The following AHCTF1 variants were observed in gnomAD, a reference collection of about 807,000 sequenced individuals.
AHCTF1 encodes protein ELYS.
Under a neutral mutation model 248.4 loss-of-function variants are expected in AHCTF1, and 24 were observed. That is an observed-to-expected ratio of 0.10 (90% CI 0.07 to 0.14). AHCTF1 has a LOEUF of 0.14. Ranked by LOEUF, AHCTF1 falls within the 10% of genes least tolerant of loss-of-function variation. AHCTF1 has a pLI of 1.00. For synonymous variants in AHCTF1, 786 were observed against 929.8 expected, an observed-to-expected ratio of 0.85 and a Z score of 2.81; for missense variants, 2,206 against 2,636.2, an observed-to-expected ratio of 0.84 and a Z score of 3.57.
intron 33 of AHCTF1, among the ~76,000 whole-genome samples, chr1:246,847,150 G>A (rs12093609): frequency 8.6e-5 from 13 of 151,906 alleles, no homozygotes; most frequent in East Asian, 7.8e-4. Context: ...TGACCCAGGC[G>A]TGGTGGCAAG....
intron 1 of AHCTF1, among the ~76,000 whole-genome samples, chr1:246,921,885 G>A (rs1479823945): frequency 6.6e-6 from 1 of 152,198 alleles, no homozygotes; most frequent in Non-Finnish European, 1.5e-5. Context: ...GAAGGTCTGA[G>A]AGGCAGCAAG....
chr1:246,861,778 T>A (rs1187803997), intron 28 of AHCTF1, among the ~76,000 whole-genome samples, 181 bp downstream of exon 28: 2 of 152,264 alleles, frequency 1.3e-5, no homozygotes, highest in Non-Finnish European at 2.9e-5. Flanking sequence ...GGGTTTGGCT[T>A]AGCCAATGGC....
Position 246,867,746 on chromosome 1 carries a change from A to G in AHCTF1, c.3154T>C (p.Ser1052Pro). Residue 1052 changes from serine to proline, a missense_variant, in exon 25 of 36, where the codon TCT becomes CCT. Coordinates refer to ENST00000648844, the MANE Select transcript of AHCTF1 (RefSeq NM_001323342.2). Reference protein sequence around the residue: ...QVVTGTVLTRSVFINNVLSKI... With the variant: ...QVVTGTVLTRPVFINNVLSKI... ...GATAACACATTGTTGATGAAAACAGATCTTGTCAACACAGTTCCTGTTACA... is the reference window on the plus strand; with the variant it reads ...GATAACACATTGTTGATGAAAACAGGTCTTGTCAACACAGTTCCTGTTACA... 6.2e-7 allele frequency: 1 copy of G among 1,612,424 alleles called. No homozygotes were observed. The highest frequency in any genetic ancestry group is 2.2e-5 in the East Asian group (1 of 44,834).
chr1:246,908,512 TA>T (rs1205697108), intron 4 of AHCTF1, among the ~76,000 whole-genome samples: 1 of 152,010 alleles, frequency 6.6e-6, no homozygotes, highest in Non-Finnish European at 1.5e-5. Flanking sequence ...CAGAAAGCCC[TA>T]ATTAATGAGA....
At chr1:246,855,634 G>T in intron 31 of AHCTF1, 96 bp downstream of exon 31, 1 of 972,530 alleles carries the variant, frequency 1.0e-6, no homozygotes, top group South Asian at 1.7e-5. Flanking sequence ...GGAAAAATCT[G>T]AATAACACAA....
At chr1:246,874,605 C>T (rs1434157336) in intron 24 of AHCTF1, among the ~76,000 whole-genome samples, 1 of 152,084 alleles carries the variant, frequency 6.6e-6, no homozygotes, top group Non-Finnish European at 1.5e-5. Context: ...CTTCCCTTCA[C>T]CCTGTTTAAC....
intron 8 of AHCTF1, among the ~76,000 whole-genome samples, chr1:246,900,881 A>G (rs907359048): frequency 1.3e-5 from 2 of 152,244 alleles, no homozygotes; most frequent in Admixed American, 1.3e-4. Flanking sequence ...GATGAACCTT[A>G]GCTGAGAAGG....
intron 2 of AHCTF1, among the ~76,000 whole-genome samples, chr1:246,917,689 G>C (rs1322799343): frequency 6.6e-6 from 1 of 152,152 alleles, no homozygotes; most frequent in Non-Finnish European, 1.5e-5. Flanking sequence ...TCTGCCTGCT[G>C]GGAAGATGGC....
chr1:246,851,805 A>C (rs1572363161), intron 32 of AHCTF1: 1 of 180,004 alleles, frequency 5.6e-6, no homozygotes, highest in Non-Finnish European at 1.2e-5. Flanking sequence ...AACAGAAACA[A>C]CCCCCAAACT....
chr1:246,889,396 A>G (rs1664056138), intron 17 of AHCTF1, among the ~76,000 whole-genome samples: 1 of 152,188 alleles, frequency 6.6e-6, no homozygotes, highest in South Asian at 2.1e-4. Context: ...ATTTAGCTTT[A>G]TACTGACTTT....
Position 246,850,725 on chromosome 1 carries a change from C to A in AHCTF1, c.5281G>T (p.Asp1761Tyr). The change falls in exon 33 of 36, where the codon GAT (aspartate) becomes TAT (tyrosine). Residue 1761 changes from aspartate (D) to tyrosine (Y), a missense_variant. Asp to Tyr is a radical substitution (Grantham distance 160). This residue lies in a region of AHCTF1 where 955 missense variants were observed against 1,055.6 expected (regional missense o/e 0.90). Coordinates refer to ENST00000648844, the MANE Select transcript of AHCTF1 (RefSeq NM_001323342.2). Reference protein sequence around the residue: ...VKSAQQEASADVATPKMPGQS... With the variant: ...VKSAQQEASAYVATPKMPGQS... ...CCTGGCATCTTAGGAGTAGCAACATCTGCTGATGCTTCCTGTTGTGCTGAT... is the reference window on the plus strand; with the variant it reads ...CCTGGCATCTTAGGAGTAGCAACATATGCTGATGCTTCCTGTTGTGCTGAT... 1 of 1,613,840 alleles carries A rather than the reference C, an allele frequency of 6.2e-7. No homozygotes were observed. Among genetic ancestry groups the A allele is most frequent in the Non-Finnish European group, 8.5e-7 (1 of 1,179,774 alleles).
At position 246,916,119 on chromosome 1, in the gene AHCTF1, C is replaced by T. The variant is rs980724406; in HGVS notation, c.375+23G>A. On this transcript the variant is annotated intron_variant, in intron 3 of 35. Transcript: ENST00000648844. ...GGTTCAGTTTTGAAAGAGAAATGTC[C>T]AGGTATCTTAAACAGTACCTACCCT... is the stretch of plus-strand genomic sequence containing the variant. The T allele has an allele frequency of 2.5e-6, 4 of 1,602,278 alleles. No homozygotes were observed. The African/African-American group carries it at 5.4e-5, about 22-fold the overall frequency.
At position 246,849,900 on chromosome 1, in the gene AHCTF1, C is replaced by T. The variant is rs142641898; in HGVS notation, c.6106G>A (p.Glu2036Lys). 2.6e-5 allele frequency: 42 copies of T among 1,613,826 alleles called. No individual in the cohort carries two copies. In the African/African-American group the frequency reaches 4.1e-4, roughly 16 times the overall value. ...GAGCTCATCACCATCGAAAGTTCCT[C>T]GTTTGGCACTAAAATGGATTTTCCT... ...ALGKSILVPNEELSMVMSSKK... is the reference protein window; with the variant it reads ...ALGKSILVPNKELSMVMSSKK... Residue 2036 changes from glutamate (E) to lysine (K), a missense_variant, in exon 33 of 36, where the codon GAG (glutamate) becomes AAG (lysine). By Grantham distance (56) the Glu-to-Lys change is moderately conservative. This residue lies in a region of AHCTF1 where 469 missense variants were observed against 470.0 expected (regional missense o/e 1.00). Coordinates refer to ENST00000648844, the MANE Select transcript of AHCTF1 (RefSeq NM_001323342.2).
At chr1:246,876,758 G>A (rs912148999) in intron 23 of AHCTF1, among the ~76,000 whole-genome samples, 192 bp downstream of exon 23, 2 of 152,110 alleles carry the variant, frequency 1.3e-5, no homozygotes, top group African/African-American at 4.8e-5. Context: ...GAACATAAAT[G>A]GCATACGTAA....
At chr1:246,845,152 T>C (rs544384555) in intron 33 of AHCTF1, among the ~76,000 whole-genome samples, 1 of 152,232 alleles carries the variant, frequency 6.6e-6, no homozygotes, top group East Asian at 1.9e-4. Flanking sequence ...GCTACTGGGA[T>C]AGTCAAGAGT....
rs1366231756 is a variant in AHCTF1, at chr1:246,857,698, A to T, written c.4249T>A (p.Tyr1417Asn). Residue 1417 changes from tyrosine (Y) to asparagine (N), a missense_variant, in exon 30 of 36, where the codon TAT becomes AAT. Transcript: ENST00000648844. The stretch of plus-strand genomic sequence containing the variant: ...TTCTCTCCATTAACTTACCCTTCAT[A>T]GACTGATGGTGCACAAAGAGAAGCT... ...TEASLCAPSV[Y>N]EGKIFTQKSK... 2 of 1,611,182 alleles carry T rather than the reference A, an allele frequency of 1.2e-6. No homozygotes were observed. The highest frequency in any genetic ancestry group is 1.7e-5 in the Admixed American group (1 of 59,566).
chr1:246,891,805 G>A lies in AHCTF1; in HGVS notation c.1919C>T (p.Ser640Leu). Residue 640 changes from serine (S) to leucine (L), a missense_variant, in exon 15 of 36, where the codon TCA (serine) becomes TTA (leucine). Ser to Leu is a moderately radical substitution (Grantham distance 145). This residue lies in a region of AHCTF1 where 650 missense variants were observed against 870.8 expected (regional missense o/e 0.75). Transcript: ENST00000648844. ...NLNIVLSCFASEAREITERGL... is the reference protein window; with the variant it reads ...NLNIVLSCFALEAREITERGL... ...TCTCTCAGTGATCTCTCGGGCTTCT[G>A]ATGCAAAACAGCTCAAGACTATATT... The A allele has an allele frequency of 6.2e-7, 1 of 1,611,748 alleles. No individual in the cohort carries two copies. Among genetic ancestry groups the A allele is most frequent in the Non-Finnish European group, 8.5e-7 (1 of 1,179,370 alleles).
At chr1:246,882,515 T>C (rs1246244655) in intron 21 of AHCTF1, among the ~76,000 whole-genome samples, 1 of 152,218 alleles carries the variant, frequency 6.6e-6, no homozygotes, top group Non-Finnish European at 1.5e-5. Flanking sequence ...AACTGTGGGA[T>C]GCCGCTAAGG....
intron 12 of AHCTF1, 101 bp from the exon 13 acceptor site, chr1:246,896,026 AT>A (rs1259546968): frequency 3.4e-6 from 3 of 872,826 alleles, no homozygotes; most frequent in Non-Finnish European, 5.5e-6. Context: ...GGCTAAAAAA[AT>A]CAGTATGACC....
Sources: gnomAD v4.1 joint callset for allele counts (sites outside exome capture counted in the v4.1 genomes callset) on GRCh38, gnomAD v4.1.1 for gene constraint, gnomAD v4.1.1 regional missense constraint, MANE v1.5 for transcripts, NCBI Gene and HGNC (gene_info 2026-07-23, HGNC 2026-07-21) for gene names.